Variants in TMEM130 observed in about 807,000 individuals in gnomAD.
TMEM130 encodes the protein transmembrane protein 130.
A neutral mutation model predicts 42.9 loss-of-function variants in TMEM130; 37 were observed. The ratio of observed to expected loss-of-function variants is 0.86; its 90% CI spans 0.66 to 1.13. The LOEUF (loss-of-function observed/expected upper bound fraction) is 1.13. TMEM130 is among the 50% of genes most tolerant of loss of function. The pLI is 0.00. For missense variants in TMEM130, 545 were observed against 562.6 expected (o/e 0.97, Z 0.32); for synonymous variants, 259 against 237.7 (o/e 1.09, Z -0.82).
intron 3 of TMEM130, among the ~76,000 whole-genome samples, chr7:98,859,170 C>T (rs1554399421): frequency 6.6e-6 from 1 of 151,942 alleles, no homozygotes; most frequent in Non-Finnish European, 1.5e-5. Context: ...GTGGCTCCCA[C>T]TTGTAACCCC....
rs1205053316 is a variant in TMEM130, at chr7:98,860,303, T to C, written c.427A>G (p.Thr143Ala). 5.0e-6 allele frequency: 8 copies of C among 1,608,614 alleles called. No homozygotes were observed. In the East Asian group the frequency reaches 1.6e-4, roughly 32 times the overall value. Residue 143 changes from threonine to alanine, a missense_variant, in exon 3 of 8, where the codon ACT becomes GCT. Coordinates refer to ENST00000339375, the MANE Select transcript of TMEM130 (RefSeq NM_152913.3). ...LVGDLVVTQNTSLPWPSSYLT... is the reference protein window; with the variant it reads ...LVGDLVVTQNASLPWPSSYLT... ...TAGGAGCTGGGCCAGGGTAGGGAAG[T>C]GTTCTGGGTGACAACAAGGTCCCCC...
chr7:98,865,025 C>T (rs1313220067), intron 1 of TMEM130, among the ~76,000 whole-genome samples: 1 of 152,240 alleles, frequency 6.6e-6, no homozygotes, highest in African/African-American at 2.4e-5. Context: ...TTTGCCTTTC[C>T]TGCTATGCTT....
intron 1 of TMEM130, among the ~76,000 whole-genome samples, chr7:98,864,749 A>AATAGG (rs1455362785): frequency 1.3e-5 from 2 of 152,018 alleles, no homozygotes; most frequent in African/African-American, 4.8e-5. Context: ...AAATACAAAA[A>AATAGG]ATTAGCTGGG....
At chr7:98,848,392 T>A in intron 7 of TMEM130, 184 bp from the exon 8 acceptor site, 1 of 808,788 alleles carries the variant, frequency 1.2e-6, no homozygotes. Flanking sequence ...AGGAGATAAA[T>A]CAGATGGGAC....
Position 98,869,185 on chromosome 7 carries a change from T to TC in TMEM130, c.85+591dup, listed in dbSNP as rs1794972607. 7.8e-7 allele frequency: 1 copy of TC among 1,283,844 alleles called. No homozygotes were observed. Among genetic ancestry groups the TC allele is most frequent in the Non-Finnish European group, 1.0e-6 (1 of 986,430 alleles). 79.5% of individuals were successfully genotyped at this position (1,283,844 alleles called of 1,614,324 possible). A position where few individuals can be genotyped will look rare whatever the true frequency, so the allele number is the denominator to read the frequency against. On this transcript the variant is annotated intron_variant, in intron 1 of 7. Transcript: ENST00000339375. This position sits in a 1 kb window ranked among gnomAD's most constrained non-coding sequence, Gnocchi z 4.7. The stretch of plus-strand genomic sequence containing the variant: ...AGACACACAACCCTGCTTCCCCCAC[T>TC]CCCCCACCCACACACACACCCCAGG...
chr7:98,848,445 C>A, intron 7 of TMEM130, 138 bp downstream of exon 7: 2 of 763,578 alleles, frequency 2.6e-6, no homozygotes, highest in South Asian at 3.4e-5. Flanking sequence ...GCCTCTTGGG[C>A]ACATCACCCC....
At chr7:98,852,998 A>T (rs779982846) in intron 5 of TMEM130, among the ~76,000 whole-genome samples, 2 of 152,174 alleles carry the variant, frequency 1.3e-5, no homozygotes, top group Non-Finnish European at 2.9e-5. Flanking sequence ...GTGAGAAAGG[A>T]TAAGGGCATT....
At position 98,869,977 on chromosome 7, in the gene TMEM130, G is replaced by A. The variant is rs574630641; in HGVS notation, c.-116C>T. ...CAGCGCGGGCGGTGCGGGGAGGTGC[G>A]GGCGCCGTGCTCGCTCGTCCTCGCC... On this transcript the variant is annotated 5_prime_UTR_variant, in exon 1 of 8. Coordinates refer to ENST00000339375, the MANE Select transcript of TMEM130 (RefSeq NM_152913.3). This position sits in a 1 kb window ranked among gnomAD's most constrained non-coding sequence, Gnocchi z 4.7. The A allele has an allele frequency of 1.4e-5, 9 of 649,502 alleles. No individual in the cohort carries two copies. The East Asian group carries it at 3.2e-4, about 23-fold the overall frequency. 40.2% of individuals were successfully genotyped at this position (649,502 alleles called of 1,614,324 possible).
rs782471586 is a variant in TMEM130, at chr7:98,855,285, A to G, written c.758T>C (p.Ile253Thr). The G allele has an allele frequency of 1.2e-6, 2 of 1,613,606 alleles. No individual in the cohort carries two copies. Among genetic ancestry groups the G allele is most frequent in the South Asian group, 2.2e-5 (2 of 90,966 alleles). Residue 253 changes from isoleucine to threonine, a missense_variant, in exon 5 of 8, where the codon ATT becomes ACT. Transcript: ENST00000339375. ...RGIQVLGPTL[I>T]QTFQKMTVTL... Reference sequence around the variant, plus strand: ...CACGGTCATCTTTTGGAAGGTCTGAATTAGGGTGGGCCCCAACACTTGGAT... The same window carrying G: ...CACGGTCATCTTTTGGAAGGTCTGAGTTAGGGTGGGCCCCAACACTTGGAT...
chr7:98,863,018 T>C, intron 2 of TMEM130, 77 bp downstream of exon 2: 1 of 1,488,010 alleles, frequency 6.7e-7, no homozygotes, highest in Non-Finnish European at 9.1e-7. Flanking sequence ...TGCATTGATC[T>C]GATTCCTAGC....
chr7:98,848,802 A>AT lies in TMEM130; in HGVS notation c.1007-108dup, dbSNP rs1794425832. On this transcript the variant is annotated intron_variant, in intron 6 of 7. Transcript: ENST00000339375. ...AGGGAATGGTCAAGCCCCACCAGTG[A>AT]TTTTTTTTACCCTCATGTACATGCA... 5.6e-5 allele frequency: 45 copies of AT among 803,560 alleles called. 1 individual carries two copies. The highest frequency in any genetic ancestry group is 5.5e-4 in the South Asian group (38 of 69,110). The allele number at this position is 803,560 out of a possible 1,614,324, so 49.8% of individuals were successfully genotyped here.
intron 1 of TMEM130, among the ~76,000 whole-genome samples, chr7:98,864,783 C>G (rs1244414134): frequency 6.6e-6 from 1 of 152,070 alleles, no homozygotes; most frequent in Non-Finnish European, 1.5e-5. Context: ...GACTGTAATC[C>G]CAGCTACTCA....
At chr7:98,865,009 A>T (rs556868875) in intron 1 of TMEM130, among the ~76,000 whole-genome samples, 1 of 152,346 alleles carries the variant, frequency 6.6e-6, no homozygotes, top group African/African-American at 2.4e-5. Context: ...TGGAAATGAA[A>T]GTTTCTTTGC....
chr7:98,868,494 A>C (rs1554400948), intron 1 of TMEM130, among the ~76,000 whole-genome samples: 1 of 152,220 alleles, frequency 6.6e-6, no homozygotes, highest in African/African-American at 2.4e-5. Flanking sequence ...TATGCAGACT[A>C]CCCAAAACAC....
chr7:98,864,787 C>G (rs1195957371), intron 1 of TMEM130, among the ~76,000 whole-genome samples: 1 of 152,122 alleles, frequency 6.6e-6, no homozygotes, highest in Non-Finnish European at 1.5e-5. Flanking sequence ...GTAATCCCAG[C>G]TACTCAGGAG....
At chr7:98,859,241 G>A (rs1794700796) in intron 3 of TMEM130, among the ~76,000 whole-genome samples, 1 of 151,786 alleles carries the variant, frequency 6.6e-6, no homozygotes, top group East Asian at 1.9e-4. Flanking sequence ...GACCAGCCTT[G>A]GCAACATAGC....
At chr7:98,854,172 G>A (rs1035581998) in intron 5 of TMEM130, among the ~76,000 whole-genome samples, 4 of 151,636 alleles carry the variant, frequency 2.6e-5, no homozygotes, top group African/African-American at 4.8e-5. Flanking sequence ...CGAGTAGCTC[G>A]AATTACAGGC....
Position 98,847,743 on chromosome 7 carries a change from T to C in TMEM130, c.*313A>G. 1 of 234,986 alleles carries C rather than the reference T, an allele frequency of 4.3e-6. No homozygotes were observed. Among genetic ancestry groups the C allele is most frequent in the Non-Finnish European group, 8.2e-6 (1 of 121,436 alleles). The allele number at this position is 234,986 out of a possible 1,614,324, so 14.6% of individuals were successfully genotyped here. ...TGGGCAGTGGGCAGCCAGGCCCACC[T>C]GGGAGTCAACACGGAACACCCCAAG... On this transcript the variant is annotated 3_prime_UTR_variant, in exon 8 of 8. Transcript: ENST00000339375.
At position 98,860,241 on chromosome 7, in the gene TMEM130, G is replaced by T. The variant is rs782530646; in HGVS notation, c.489C>A (p.Leu163=). Residue 163 remains leucine, a synonymous_variant, in exon 3 of 8, where the codon CTC becomes CTA. Transcript: ENST00000339375. Reference sequence around the variant, plus strand: ...TCTTGAGGAAGTTGCTCGGGTCGTGGAGGAGGAAGGAGACTTTCAGGACGG... The same window carrying T: ...TCTTGAGGAAGTTGCTCGGGTCGTGTAGGAGGAAGGAGACTTTCAGGACGG... ...TKTVLKVSFL[L]HDPSNFLKTA... is the part of the protein sequence containing the mutation. 1 of 1,614,106 alleles carries T rather than the reference G, an allele frequency of 6.2e-7. No individual in the cohort carries two copies. The highest frequency in any genetic ancestry group is 8.5e-7 in the Non-Finnish European group (1 of 1,180,000).
Sources: allele counts gnomAD v4.1 joint callset (sites outside exome capture counted in the v4.1 genomes callset), GRCh38; gene constraint gnomAD v4.1.1; non-coding constraint Gnocchi (gnomAD v3.1); transcripts MANE v1.5; gene names NCBI Gene and HGNC (gene_info 2026-07-23, HGNC 2026-07-21).